Variants in ACAD11 observed in about 807,000 individuals in gnomAD.
ACAD11 encodes the protein acyl-CoA dehydrogenase family member 11.
A neutral mutation model predicts 102.2 loss-of-function variants in ACAD11; 83 were observed. The ratio of observed to expected loss-of-function variants is 0.81; its 90% CI spans 0.68 to 0.97. The LOEUF is 0.97. Ranked by LOEUF, ACAD11 falls within the 50% of genes least tolerant of loss-of-function variation. The pLI is 0.00. For synonymous variants in ACAD11, 324 were observed against 319.8 expected, an observed-to-expected ratio of 1.01 and a Z score of -0.14; for missense variants, 901 against 951.7, an observed-to-expected ratio of 0.95 and a Z score of 0.70.
Position 132,631,521 on chromosome 3 carries a change from A to C in ACAD11, c.703-42T>G, listed in dbSNP as rs558882724. On this transcript the variant is annotated intron_variant, in intron 5 of 19. Transcript: ENST00000264990. ...AGAGGTCTGTAACACATTAAAACTT[A>C]AAACAAGTATAATAAAGAAATAAAT... 4.5e-5 allele frequency: 61 copies of C among 1,344,806 alleles called. 1 individual carries two copies. The South Asian group carries it at 1.1e-3, about 25-fold the overall frequency. 83.3% of individuals were successfully genotyped at this position (1,344,806 alleles called of 1,614,324 possible).
At chr3:132,589,208 G>A (rs1291954109) in intron 13 of ACAD11, among the ~76,000 whole-genome samples, 1 of 152,134 alleles carries the variant, frequency 6.6e-6, no homozygotes, top group Non-Finnish European at 1.5e-5. Flanking sequence ...CATTTTTGTT[G>A]TTTAGAAGTT....
rs1416920650 is a variant in ACAD11 at position 132,605,105 on chromosome 3, A to G, written c.1515T>C (p.Cys505=). ...ATGGTGATTGGCATTTACCTGTCAT[A>G]CAGAAGCAAGAGGTAATGTTCCCTT... The part of the protein sequence containing the change: ...LLQGNITSCF[C]MTEPDVASSD... The change falls in exon 12 of 20, where the codon TGT becomes TGC. Residue 505 remains cysteine (C), a synonymous_variant. Transcript: ENST00000264990. 2.5e-6 allele frequency: 4 copies of G among 1,611,886 alleles called. No individual in the cohort carries two copies. Among genetic ancestry groups the G allele is most frequent in the Non-Finnish European group, 3.4e-6 (4 of 1,178,392 alleles).
intron 16 of ACAD11, among the ~76,000 whole-genome samples, chr3:132,576,174 C>G (rs1421358069): frequency 6.6e-6 from 1 of 152,168 alleles, no homozygotes; most frequent in African/African-American, 2.4e-5. Context: ...TATGCATAAG[C>G]TATTTTATTA....
At position 132,563,718 on chromosome 3, in the gene ACAD11, A is replaced by G. The variant is rs575380115; in HGVS notation, c.2002-2501T>C. ...GGATTTTCTATACAATCACATTGTC[A>G]TCTACAAGCAGGCCCAGTTTTACTT... On this transcript the variant is annotated intron_variant, in intron 17 of 19. Transcript: ENST00000264990. Among the ~76,000 whole-genome samples, 15 of 152,270 alleles carry G rather than the reference A, an allele frequency of 9.9e-5. No homozygotes were observed. The South Asian group carries it at 3.1e-3, about 32-fold the overall frequency.
chr3:132,618,626 G>A lies in ACAD11; in HGVS notation c.1414+8C>T, dbSNP rs1258024186. ...AGAAAAAATTATGTTTTCAATTAAT[G>A]TAGTAACCTGGTGCTTGGCAGTTAA... On this transcript the variant is annotated splice_region_variant and intron_variant, in intron 11 of 19. Transcript: ENST00000264990. The A allele has an allele frequency of 1.3e-6, 2 of 1,567,590 alleles. No individual in the cohort carries two copies. The highest frequency in any genetic ancestry group is 1.7e-6 in the Non-Finnish European group (2 of 1,161,864).
chr3:132,634,814 C>A (rs1351658217), intron 5 of ACAD11, among the ~76,000 whole-genome samples: 1 of 147,978 alleles, frequency 6.8e-6, no homozygotes, highest in Non-Finnish European at 1.5e-5. Context: ...GACAAAAAAC[C>A]AAACACCACA....
chr3:132,580,358 T>A (rs999234746), intron 13 of ACAD11, among the ~76,000 whole-genome samples: 92 of 152,004 alleles, frequency 6.1e-4, no homozygotes, highest in African/African-American at 2.2e-3. Flanking sequence ...TTAAAGGACA[T>A]TGCAGGAATG....
chr3:132,636,294 A>G (rs1263305346), intron 5 of ACAD11, among the ~76,000 whole-genome samples: 1 of 152,198 alleles, frequency 6.6e-6, no homozygotes. Context: ...TAGGGAACTT[A>G]TTAGTAAAAT....
At chr3:132,571,800 A>G (rs1937390360) in intron 17 of ACAD11, among the ~76,000 whole-genome samples, 1 of 152,216 alleles carries the variant, frequency 6.6e-6, no homozygotes, top group African/African-American at 2.4e-5. Flanking sequence ...AACTAAAGAC[A>G]AAAACCACTT....
intron 13 of ACAD11, chr3:132,600,823 T>A (rs1211892504): frequency 2.5e-6 from 4 of 1,614,048 alleles, no homozygotes; most frequent in Non-Finnish European, 3.4e-6. Context: ...TGGCAGTAAC[T>A]AAAGTCCCCA....
rs879401198 is a variant in ACAD11 at position 132,641,595 on chromosome 3, A to AGG, written c.537+376_537+377insCC. On this transcript the variant is annotated intron_variant, in intron 4 of 19. Transcript: ENST00000264990. ...GAAGAAGAAGAAGAAGAAGAAGAAG[A>AGG]AGAAGAAGAGGAGGAAGAAGAGGAG... Among the ~76,000 whole-genome samples the AGG allele has an allele frequency of 7.2e-3, 1,052 of 147,102 alleles. 6 individuals carry two copies. The highest frequency in any genetic ancestry group is 0.011 in the Non-Finnish European group (750 of 67,214).
intron 9 of ACAD11, chr3:132,621,341 A>T (rs1939600211): frequency 6.6e-6 from 1 of 152,212 alleles, no homozygotes; most frequent in Non-Finnish European, 1.5e-5. Context: ...CTGATAATTA[A>T]ACAACAGTTA....
chr3:132,606,694 T>G (rs1440090524), intron 11 of ACAD11, among the ~76,000 whole-genome samples: 1 of 152,190 alleles, frequency 6.6e-6, no homozygotes, highest in African/African-American at 2.4e-5. Flanking sequence ...GGGGTGGCTG[T>G]GGGCGCGGCT....
chr3:132,560,541 T>C (rs1455660718), intron 18 of ACAD11, among the ~76,000 whole-genome samples: 3 of 152,050 alleles, frequency 2.0e-5, no homozygotes, highest in African/African-American at 7.2e-5. Flanking sequence ...TGCCTCAGCC[T>C]CCCTGGGACT....
At position 132,619,400 on chromosome 3, in the gene ACAD11, C is replaced by T. The variant is rs1040515728; in HGVS notation, c.1275+68G>A. On this transcript the variant is annotated intron_variant, in intron 10 of 19. Transcript: ENST00000264990. The stretch of plus-strand genomic sequence containing the variant: ...TCTACATATATAACAATAGCAACAA[C>T]AAAACTAAGGTCTAGGATCTCAAAA... The T allele has an allele frequency of 7.5e-6, 8 of 1,064,948 alleles. No homozygotes were observed. The African/African-American group carries it at 9.7e-5, about 13-fold the overall frequency. 66.0% of individuals were successfully genotyped at this position (1,064,948 alleles called of 1,614,324 possible).
chr3:132,559,430 C>CT (rs1281244815), intron 19 of ACAD11, among the ~76,000 whole-genome samples: 1 of 152,064 alleles, frequency 6.6e-6, no homozygotes, highest in East Asian at 1.9e-4. Context: ...GGATGAGACT[C>CT]TATCTCCATT....
At chr3:132,635,734 T>C (rs1009494113) in intron 5 of ACAD11, among the ~76,000 whole-genome samples, 3 of 152,188 alleles carry the variant, frequency 2.0e-5, no homozygotes, top group Non-Finnish European at 4.4e-5. Context: ...ATTTGATGAA[T>C]ATGTTCAGAG....
chr3:132,643,842 CAG>C (rs1940617387), intron 2 of ACAD11, among the ~76,000 whole-genome samples: 1 of 152,090 alleles, frequency 6.6e-6, no homozygotes, highest in African/African-American at 2.4e-5. Context: ...GGAGTTGAAA[CAG>C]AGTACTCCAG....
rs1180771600 is a variant in ACAD11, at chr3:132,657,465, G to GA, written c.149+2137dup. On this transcript the variant is annotated intron_variant, in intron 1 of 19. Transcript: ENST00000264990. ...TTTAGGAGCACTTTTTCAAATTAGA[G>GA]AAAAAAATTAGGATTTTGATTGTCA... Among the ~76,000 whole-genome samples, 8 of 152,082 alleles carry GA rather than the reference G, an allele frequency of 5.3e-5. No homozygotes were observed. In the South Asian group the frequency reaches 1.4e-3, roughly 28 times the overall value.
Sources: gnomAD v4.1 joint callset for allele counts (sites outside exome capture counted in the v4.1 genomes callset) on GRCh38, gnomAD v4.1.1 for gene constraint, MANE v1.5 for transcripts, NCBI Gene and HGNC (gene_info 2026-07-23, HGNC 2026-07-21) for gene names.